MAF: variants seen among roughly 807,000 people sequenced by gnomAD.
The protein encoded by MAF is MAF bZIP transcription factor, also known as transcription factor Maf.
In MAF, 10 loss-of-function variants were observed where a neutral mutation model predicts 22.0. That is an observed-to-expected ratio of 0.45 (90% CI 0.28 to 0.77). The LOEUF (loss-of-function observed/expected upper bound fraction) is 0.77. Among genes scored for constraint, MAF ranks in the 30% least tolerant of loss-of-function variants. MAF has a pLI of 0.12. For missense variants in MAF, 544 were observed against 548.4 expected (o/e 0.99, Z 0.08); for synonymous variants, 337 against 255.8 (o/e 1.32, Z -3.03).
chr16:79,296,704 G>A, the MAF span, among the ~76,000 whole-genome samples: 2 of 151,836 alleles, frequency 1.3e-5, no homozygotes, highest in Non-Finnish European at 2.9e-5. Flanking sequence ...CCTGCCCCAG[G>A]GTTAAGGGAA....
chr16:79,255,055 A>G, the MAF span, among the ~76,000 whole-genome samples: 1 of 152,136 alleles, frequency 6.6e-6, no homozygotes, highest in South Asian at 2.1e-4. Flanking sequence ...ACCACTGTTC[A>G]CCGGTGCAGT....
the MAF span, among the ~76,000 whole-genome samples, chr16:79,341,602 C>G: frequency 5.3e-4 from 80 of 152,194 alleles, no homozygotes; most frequent in Non-Finnish European, 8.4e-4. Context: ...CATTTTCTAG[C>G]ACACTGCTGG....
At chr16:79,525,983 A>G in the MAF span, among the ~76,000 whole-genome samples, 1 of 152,194 alleles carries the variant, frequency 6.6e-6, no homozygotes, top group African/African-American at 2.4e-5. Flanking sequence ...TAACCAGCCA[A>G]CCTTCTGTAT....
chr16:79,539,255 G>T, the MAF span, among the ~76,000 whole-genome samples: 1 of 152,248 alleles, frequency 6.6e-6, no homozygotes, highest in African/African-American at 2.4e-5. Context: ...TGTAATCCCA[G>T]CACTTCGGGA....
the MAF span, among the ~76,000 whole-genome samples, chr16:79,538,431 T>C: frequency 6.6e-6 from 1 of 152,158 alleles, no homozygotes; most frequent in Non-Finnish European, 1.5e-5. Flanking sequence ...TATTTAAATG[T>C]CCGATATAAA....
chr16:79,463,378 C>A, the MAF span, among the ~76,000 whole-genome samples: 1 of 152,244 alleles, frequency 6.6e-6, no homozygotes, highest in African/African-American at 2.4e-5. Context: ...GCCAGCTTAC[C>A]TTGATGCCCT....
At chr16:79,576,231 TAAAAAAAAAAAAA>T in the MAF span, among the ~76,000 whole-genome samples, 1 of 43,012 alleles carries the variant, frequency 2.3e-5, no homozygotes, top group Admixed American at 2.9e-4. Flanking sequence ...CCTGTGGTAC[TAAAAAAAAAAAAA>T]AAAAAAAAAA....
At chr16:79,258,568 G>T in the MAF span, among the ~76,000 whole-genome samples, 1,431 of 152,270 alleles carry the variant, frequency 9.4e-3, 28 homozygotes, top group African/African-American at 0.033. Flanking sequence ...GGTCTCTGAT[G>T]GGCATTTGTG....
At chr16:79,498,908 T>A in the MAF span, among the ~76,000 whole-genome samples, 1 of 152,186 alleles carries the variant, frequency 6.6e-6, no homozygotes, top group African/African-American at 2.4e-5. Context: ...GCACCATCCC[T>A]GACTCTTAGG....
At chr16:79,207,188 C>G in the MAF span, among the ~76,000 whole-genome samples, 7 of 152,340 alleles carry the variant, frequency 4.6e-5, no homozygotes, top group Non-Finnish European at 7.3e-5. Flanking sequence ...AAATGTAGCT[C>G]TCTGATAAAT....
the MAF span, among the ~76,000 whole-genome samples, chr16:79,481,189 G>T: frequency 6.6e-6 from 1 of 151,398 alleles, no homozygotes; most frequent in African/African-American, 2.4e-5. Context: ...ATCTCTCCAG[G>T]ACGGGAACTC....
At chr16:79,485,520 C>T in the MAF span, among the ~76,000 whole-genome samples, 2 of 152,270 alleles carry the variant, frequency 1.3e-5, no homozygotes, top group African/African-American at 4.8e-5. Flanking sequence ...GAGCCCAGCA[C>T]ATAACAACAG....
the MAF span, among the ~76,000 whole-genome samples, chr16:79,281,363 T>A: frequency 3.9e-5 from 6 of 152,054 alleles, no homozygotes; most frequent in Non-Finnish European, 7.4e-5. Flanking sequence ...ATCTATGGTT[T>A]AATAAAAGAA....
the MAF span, among the ~76,000 whole-genome samples, chr16:79,403,916 C>A: frequency 6.6e-6 from 1 of 152,134 alleles, no homozygotes; most frequent in Non-Finnish European, 1.5e-5. Flanking sequence ...GTCTTCCTTC[C>A]ATGGTGCTTC....
the MAF span, among the ~76,000 whole-genome samples, chr16:79,393,455 T>A: frequency 6.6e-6 from 1 of 152,248 alleles, no homozygotes; most frequent in Non-Finnish European, 1.5e-5. Flanking sequence ...AGGACCTTCT[T>A]TCTGAGTCTC....
the MAF span, among the ~76,000 whole-genome samples, chr16:79,534,319 C>T: frequency 6.6e-6 from 1 of 152,196 alleles, no homozygotes; most frequent in South Asian, 2.1e-4. Flanking sequence ...TTCTACCTCA[C>T]CGCATTACCA....
the MAF span, among the ~76,000 whole-genome samples, chr16:79,526,954 G>C: frequency 1.6e-4 from 24 of 152,194 alleles, no homozygotes; most frequent in Non-Finnish European, 4.4e-5. Context: ...TGATTGTAAA[G>C]TTATATAATT....
chr16:79,343,046 C>T, the MAF span, among the ~76,000 whole-genome samples: 1 of 152,182 alleles, frequency 6.6e-6, no homozygotes, highest in East Asian at 1.9e-4. Flanking sequence ...CTGATAGTCA[C>T]CTCAGCTAGC....
the MAF span, among the ~76,000 whole-genome samples, chr16:79,389,340 C>A: frequency 6.6e-6 from 1 of 152,180 alleles, no homozygotes. Flanking sequence ...TGGTTCACTA[C>A]AACCTCTGCC....
Sources: allele counts gnomAD v4.1 joint callset (sites outside exome capture counted in the v4.1 genomes callset), GRCh38; gene constraint gnomAD v4.1.1; transcripts MANE v1.5; gene names NCBI Gene and HGNC (gene_info 2026-07-23, HGNC 2026-07-21).